GALNT2: variants seen among roughly 807,000 people sequenced by gnomAD.
GALNT2 encodes UDP-GalNAc:polypeptide N-acetylgalactosaminyltransferase 2.
A neutral mutation model predicts 81.4 loss-of-function variants in GALNT2; 31 were observed. The ratio of observed to expected loss-of-function variants is 0.38; its 90% CI spans 0.29 to 0.51. GALNT2 has a LOEUF of 0.51. Among genes scored for constraint, GALNT2 ranks in the 20% least tolerant of loss-of-function variants. GALNT2 has a pLI of 0.87. For synonymous variants in GALNT2, 303 were observed against 287.4 expected (o/e 1.05, Z -0.55); for missense variants, 629 against 765.7 (o/e 0.82, Z 2.11).
chr1:230,249,257 A>C lies in GALNT2; in HGVS notation c.891A>C (p.Pro297=), dbSNP rs1665468718. The C allele has an allele frequency of 3.1e-6, 5 of 1,614,070 alleles. No homozygotes were observed. The highest frequency in any genetic ancestry group is 1.1e-5 in the South Asian group (1 of 91,084). The change falls in exon 9 of 16, where the codon CCA becomes CCC. Residue 297 remains proline, a synonymous_variant. Transcript: ENST00000366672. ...AGAGAAGGTCCCGGCAGGGGAACCC[A>C]GTCGCCCCTATAAAGTAAGTGCCAG... ...PEQRRSRQGN[P]VAPIKTPMIA... is the part of the protein sequence containing the mutation.
rs183986916 is a variant in GALNT2, at chr1:230,160,014, T to C, written c.127-18204T>C. Among the ~76,000 whole-genome samples the C allele has an allele frequency of 2.6e-4, 39 of 152,180 alleles. No individual in the cohort carries two copies. The East Asian group carries it at 7.0e-3, about 27-fold the overall frequency. ...GAATCCAGCAGCCGCACCACCCAGG[T>C]GCTTCCCTCCTCCCCACTCCTAGGC... On this transcript the variant is annotated intron_variant, in intron 1 of 15. Transcript: ENST00000366672.
intron 7 of GALNT2, among the ~76,000 whole-genome samples, chr1:230,244,211 G>A (rs562203749): frequency 4.6e-5 from 7 of 152,094 alleles, no homozygotes; most frequent in African/African-American, 1.7e-4. Context: ...GTAACCACAA[G>A]CTACTAGGAA....
At chr1:230,236,274 A>G in intron 4 of GALNT2, 79 bp from the exon 5 acceptor site, 1 of 1,464,884 alleles carries the variant, frequency 6.8e-7, no homozygotes, top group Non-Finnish European at 9.5e-7. Context: ...TAGGACCAAC[A>G]TATGAGAATT....
chr1:230,263,322 G>C, intron 13 of GALNT2: 1 of 334,468 alleles, frequency 3.0e-6, no homozygotes. Context: ...ACTGGTGTCT[G>C]ACAGGCTCTT....
intron 2 of GALNT2, among the ~76,000 whole-genome samples, chr1:230,196,609 G>A (rs892637634): frequency 2.0e-5 from 3 of 152,152 alleles, no homozygotes; most frequent in Non-Finnish European, 4.4e-5. Flanking sequence ...TGTGGGTCTT[G>A]ACAGGAGATG....
At chr1:230,240,408 A>G (rs1037388381) in intron 6 of GALNT2, among the ~76,000 whole-genome samples, 3 of 152,238 alleles carry the variant, frequency 2.0e-5, no homozygotes, top group South Asian at 2.1e-4. Context: ...CCTGGCCAAC[A>G]TGGTGAAACC....
chr1:230,099,333 G>A (rs1246260646), intron 1 of GALNT2, among the ~76,000 whole-genome samples: 1 of 152,188 alleles, frequency 6.6e-6, no homozygotes, highest in Non-Finnish European at 1.5e-5. Flanking sequence ...CCCGGGATGG[G>A]GGTGTCTGAT....
intron 1 of GALNT2, among the ~76,000 whole-genome samples, chr1:230,166,624 CCAGTGGGTGTGAT>C (rs1416329281): frequency 6.6e-6 from 1 of 152,210 alleles, no homozygotes; most frequent in Non-Finnish European, 1.5e-5. Flanking sequence ...CTTGCTGTGA[CCAGTGGGTGTGAT>C]GTGCTGGTCT....
chr1:230,185,301 T>TGTGTGTGCGCGC lies in GALNT2; in HGVS notation c.220+6991_220+6992insTGTGTGCGCGCG, dbSNP rs58770415. Reference sequence around the variant, plus strand: ...GTGTGTGTGTGTGTGTGTGTGTGTGTGCGCGCGTGTGTGTGTGTGTTTAAC... The same window carrying TGTGTGTGCGCGC: ...GTGTGTGTGTGTGTGTGTGTGTGTGTGTGTGTGCGCGCGCGCGCGTGTGTGTGTGTGTTTAAC... On this transcript the variant is annotated intron_variant, in intron 2 of 15. Coordinates refer to ENST00000366672, the MANE Select transcript of GALNT2 (RefSeq NM_004481.5). 2.3e-3 allele frequency among the ~76,000 whole-genome samples: 284 copies of TGTGTGTGCGCGC among 126,100 alleles called. 1 individual carries two copies. Among genetic ancestry groups the TGTGTGTGCGCGC allele is most frequent in the South Asian group, 6.6e-3 (23 of 3,468 alleles). The allele number at this position is 126,100 out of a possible 152,430, so 82.7% of individuals were successfully genotyped here.
At chr1:230,210,344 C>G (rs1177319004) in intron 3 of GALNT2, among the ~76,000 whole-genome samples, 2 of 152,158 alleles carry the variant, frequency 1.3e-5, no homozygotes, top group Non-Finnish European at 2.9e-5. Context: ...AGACACCGTT[C>G]CTTTTGACTT....
intron 1 of GALNT2, among the ~76,000 whole-genome samples, chr1:230,128,528 C>T (rs1326389207): frequency 1.4e-5 from 2 of 144,894 alleles, no homozygotes; most frequent in Non-Finnish European, 3.0e-5. Context: ...TGGGTTGCCT[C>T]TGGAGTTGCT....
At chr1:230,179,640 A>G (rs1036190053) in intron 2 of GALNT2, among the ~76,000 whole-genome samples, 3 of 152,046 alleles carry the variant, frequency 2.0e-5, no homozygotes, top group Non-Finnish European at 4.4e-5. Flanking sequence ...TTTTTAATCC[A>G]GTGGTTCATT....
At chr1:230,071,041 G>A (rs1375235314) in intron 1 of GALNT2, among the ~76,000 whole-genome samples, 2 of 152,114 alleles carry the variant, frequency 1.3e-5, no homozygotes, top group African/African-American at 2.4e-5. Flanking sequence ...GCCTTGTTCG[G>A]AGAGTTAAAT....
intron 3 of GALNT2, among the ~76,000 whole-genome samples, chr1:230,222,444 T>C (rs916998238): frequency 4.6e-5 from 7 of 152,188 alleles, no homozygotes; most frequent in African/African-American, 1.7e-4. Context: ...AAATATAGTG[T>C]GATAATTTTG....
chr1:230,261,999 G>C (rs906158239), intron 11 of GALNT2: 2 of 150,108 alleles, frequency 1.3e-5, no homozygotes, highest in African/African-American at 4.9e-5. Flanking sequence ...AGCAGAGCGA[G>C]ACTCCATCAA....
intron 1 of GALNT2, among the ~76,000 whole-genome samples, chr1:230,081,439 T>C (rs781666129): frequency 2.6e-5 from 4 of 152,218 alleles, no homozygotes; most frequent in Non-Finnish European, 4.4e-5. Flanking sequence ...AATACTCTTA[T>C]TGGCAATTGG....
rs1225601652 is a variant in GALNT2 at position 230,074,226 on chromosome 1, A to G, written c.126+6820A>G. Among the ~76,000 whole-genome samples the G allele has an allele frequency of 2.6e-5, 4 of 151,972 alleles. No individual in the cohort carries two copies. The East Asian group carries it at 7.7e-4, about 29-fold the overall frequency. The stretch of plus-strand genomic sequence containing the variant: ...TTTCACCTCACCCTACCGAGTAGCT[A>G]AGACTATAGGCATGTGTCACCACAG... On this transcript the variant is annotated intron_variant, in intron 1 of 15. Coordinates refer to ENST00000366672, the MANE Select transcript of GALNT2 (RefSeq NM_004481.5).
intron 1 of GALNT2, among the ~76,000 whole-genome samples, chr1:230,061,529 T>G (rs1659047604): frequency 2.0e-5 from 3 of 152,250 alleles, no homozygotes; most frequent in African/African-American, 7.2e-5. Context: ...CTTTATATTA[T>G]TCATTTATAA....
At chr1:230,223,803 CAG>C (rs1057395097) in intron 3 of GALNT2, among the ~76,000 whole-genome samples, 2 of 152,210 alleles carry the variant, frequency 1.3e-5, no homozygotes, top group African/African-American at 4.8e-5. Context: ...CAGGCCAAAA[CAG>C]AGCAATTCAG....
Sources: gnomAD v4.1 joint callset for allele counts (sites outside exome capture counted in the v4.1 genomes callset) on GRCh38, gnomAD v4.1.1 for gene constraint, MANE v1.5 for transcripts, NCBI Gene and HGNC (gene_info 2026-07-23, HGNC 2026-07-21) for gene names.